Variants in SUCLG2 observed in about 807,000 individuals in gnomAD.
SUCLG2 encodes the protein succinate-CoA ligase GDP-forming subunit beta.
A neutral mutation model predicts 47.9 loss-of-function variants in SUCLG2; 42 were observed. That is an observed-to-expected ratio of 0.88 (90% CI 0.69 to 1.14). The LOEUF (loss-of-function observed/expected upper bound fraction) is 1.14. SUCLG2 is among the 50% of genes most tolerant of loss of function. SUCLG2 has a pLI of 0.00. For synonymous variants in SUCLG2, 195 were observed against 197.3 expected (o/e 0.99, Z 0.10); for missense variants, 571 against 525.9 (o/e 1.09, Z -0.84).
At chr3:67,406,025 A>G (rs1702798098) in intron 9 of SUCLG2, among the ~76,000 whole-genome samples, 1 of 152,160 alleles carries the variant, frequency 6.6e-6, no homozygotes, top group South Asian at 2.1e-4. Context: ...ACAATGAGTG[A>G]TGGCTTAGTC....
chr3:67,595,376 T>C (rs1024978949), intron 2 of SUCLG2, among the ~76,000 whole-genome samples: 1 of 152,096 alleles, frequency 6.6e-6, no homozygotes, highest in Non-Finnish European at 1.5e-5. Flanking sequence ...CCAGGGCTTC[T>C]GAGAGTTTTG....
intron 9 of SUCLG2, among the ~76,000 whole-genome samples, chr3:67,436,173 T>A (rs1703615614): frequency 6.6e-6 from 1 of 152,210 alleles, no homozygotes; most frequent in South Asian, 2.1e-4. Context: ...AAAAATAACC[T>A]GCTTTTTTCT....
At chr3:67,550,584 C>T (rs565325618) in intron 2 of SUCLG2, among the ~76,000 whole-genome samples, 5 of 152,262 alleles carry the variant, frequency 3.3e-5, no homozygotes, top group Admixed American at 1.3e-4. Context: ...TGGACTTAAG[C>T]CTCCCAAGTG....
chr3:67,622,641 T>C (rs976228627), intron 1 of SUCLG2, among the ~76,000 whole-genome samples: 9 of 152,040 alleles, frequency 5.9e-5, no homozygotes, highest in Non-Finnish European at 1.3e-4. Context: ...TCCCCAAAGA[T>C]GGGTTTATTA....
At chr3:67,526,772 G>A (rs1465953806) in intron 4 of SUCLG2, among the ~76,000 whole-genome samples, 1 of 152,102 alleles carries the variant, frequency 6.6e-6, no homozygotes, top group Non-Finnish European at 1.5e-5. Context: ...CAGCCATGCT[G>A]GAAAACATTC....
intron 9 of SUCLG2, among the ~76,000 whole-genome samples, chr3:67,478,285 C>T (rs112378880): frequency 5.4e-4 from 82 of 152,324 alleles, no homozygotes; most frequent in African/African-American, 1.7e-3. Flanking sequence ...GAGCACTTCA[C>T]GTGTTATTTC....
chr3:67,454,726 G>T (rs1272602330), intron 9 of SUCLG2, among the ~76,000 whole-genome samples: 1 of 152,140 alleles, frequency 6.6e-6, no homozygotes, highest in Admixed American at 6.6e-5. Context: ...ACTTTGGGAG[G>T]CCAAGGCGGG....
chr3:67,555,441 G>C (rs900486146), intron 2 of SUCLG2, among the ~76,000 whole-genome samples: 1 of 152,148 alleles, frequency 6.6e-6, no homozygotes, highest in Admixed American at 6.5e-5. Flanking sequence ...CCTAAAAGCA[G>C]TAATGCCTCA....
At chr3:67,491,361 CT>C (rs549763218) in intron 9 of SUCLG2, among the ~76,000 whole-genome samples, 226 of 125,816 alleles carry the variant, frequency 1.8e-3, no homozygotes, top group Non-Finnish European at 2.1e-3. Flanking sequence ...TTTTCTTTTA[CT>C]TTTTTTTTTT....
At chr3:67,385,605 G>C (rs1157143371) in intron 10 of SUCLG2, among the ~76,000 whole-genome samples, 1 of 152,200 alleles carries the variant, frequency 6.6e-6, no homozygotes, top group Non-Finnish European at 1.5e-5. Flanking sequence ...TCTGCTCCTT[G>C]GGTTCCACCC....
At chr3:67,605,734 C>T (rs1246878944) in intron 2 of SUCLG2, among the ~76,000 whole-genome samples, 3 of 152,090 alleles carry the variant, frequency 2.0e-5, no homozygotes, top group Admixed American at 2.0e-4. Flanking sequence ...CTTTATCCAG[C>T]TTGATTTTGT....
chr3:67,398,848 A>T (rs1342289819), intron 10 of SUCLG2, among the ~76,000 whole-genome samples: 1 of 152,202 alleles, frequency 6.6e-6, no homozygotes, highest in Non-Finnish European at 1.5e-5. Flanking sequence ...GTCATAAAAA[A>T]TGATGAGTTC....
chr3:67,599,192 G>T (rs1307121611), intron 2 of SUCLG2, among the ~76,000 whole-genome samples: 1 of 152,198 alleles, frequency 6.6e-6, no homozygotes, highest in African/African-American at 2.4e-5. Flanking sequence ...CTTGCCTAGG[G>T]TTGTGAAGCT....
intron 9 of SUCLG2, among the ~76,000 whole-genome samples, chr3:67,488,032 A>T (rs1299523737): frequency 3.3e-5 from 5 of 149,908 alleles, no homozygotes; most frequent in East Asian, 3.9e-4. Flanking sequence ...CAAAACACAT[A>T]AAAAAAAGAA....
intron 7 of SUCLG2, among the ~76,000 whole-genome samples, chr3:67,507,767 C>T (rs1313069095): frequency 1.3e-5 from 2 of 152,218 alleles, no homozygotes; most frequent in Non-Finnish European, 2.9e-5. Context: ...CCCCAGTTAA[C>T]AATTCAATGC....
chr3:67,488,083 G>A (rs1041572594), intron 9 of SUCLG2, among the ~76,000 whole-genome samples: 2 of 151,722 alleles, frequency 1.3e-5, no homozygotes, highest in Non-Finnish European at 2.9e-5. Context: ...TATGATATAA[G>A]TCTAGTTTTG....
chr3:67,504,994 A>G (rs1705597553), intron 7 of SUCLG2, among the ~76,000 whole-genome samples: 1 of 152,214 alleles, frequency 6.6e-6, no homozygotes, highest in African/African-American at 2.4e-5. Flanking sequence ...TTTTTGTTTC[A>G]ATAAGGTTGC....
chr3:67,617,623 TA>T (rs1237680055), intron 1 of SUCLG2, among the ~76,000 whole-genome samples: 2 of 152,126 alleles, frequency 1.3e-5, no homozygotes, highest in Non-Finnish European at 2.9e-5. Context: ...ATTAACCAAT[TA>T]ATTAGCCCCC....
At chr3:67,412,512 A>G (rs1019342353) in intron 9 of SUCLG2, among the ~76,000 whole-genome samples, 1 of 152,132 alleles carries the variant, frequency 6.6e-6, no homozygotes, top group Admixed American at 6.5e-5. Context: ...GAGGCTGACT[A>G]GAGAGAACGG....
Sources: gnomAD v4.1 joint callset for allele counts (sites outside exome capture counted in the v4.1 genomes callset) on GRCh38, gnomAD v4.1.1 for gene constraint, MANE v1.5 for transcripts, NCBI Gene and HGNC (gene_info 2026-07-23, HGNC 2026-07-21) for gene names.